Variants in RAPGEF3 observed in about 807,000 individuals in gnomAD.
The protein encoded by RAPGEF3 is 9330170P05Rik.
In RAPGEF3, 103 loss-of-function variants were observed where a neutral mutation model predicts 129.8. The observed-to-expected ratio is 0.79, with a 90% CI of 0.68 to 0.93. The LOEUF (loss-of-function observed/expected upper bound fraction) is 0.93, where lower values mean the gene tolerates loss of function less well. RAPGEF3 is among the 40% of genes least tolerant of loss of function. RAPGEF3 has a pLI of 0.00. For synonymous variants in RAPGEF3, 436 were observed against 482.6 expected (o/e 0.90, Z 1.26); for missense variants, 1,117 against 1,207.4 (o/e 0.93, Z 1.11).
chr12:47,739,526 C>CCT (rs140295626), intron 23 of RAPGEF3: 49 of 598,960 alleles, frequency 8.2e-5, no homozygotes, highest in East Asian at 1.6e-4. Context: ...TGTGTCCCTC[C>CCT]CTCTCTCTCT....
intron 1 of RAPGEF3, 114 bp downstream of exon 1, chr12:47,758,437 C>T: frequency 1.9e-6 from 3 of 1,571,882 alleles, no homozygotes; most frequent in Admixed American, 1.8e-5. Context: ...AAACCCTTCT[C>T]CTCTCCTCCT....
In RAPGEF3 at chr12:47,740,330, A is replaced by T; in HGVS notation, c.2297T>A (p.Ile766Asn). 1 of 1,614,118 alleles carries T rather than the reference A, an allele frequency of 6.2e-7. No homozygotes were observed. Among genetic ancestry groups the T allele is most frequent in the Non-Finnish European group, 8.5e-7 (1 of 1,180,004 alleles). The change falls in exon 22 of 28, where the codon ATC becomes AAC. Residue 766 changes from isoleucine to asparagine, a missense_variant. Ile to Asn is a moderately radical substitution (Grantham distance 149). Coordinates refer to ENST00000449771, the MANE Select transcript of RAPGEF3 (RefSeq NM_001098531.4). ...CTCCCAGGTGTGGGCTAGGCGGCTG[A>T]TGGCCGAGTTGCTGAGGCCAAACAT... Reference protein sequence around the residue: ...AVMFGLSNSAISRLAHTWERL... With the variant: ...AVMFGLSNSANSRLAHTWERL...
intron 2 of RAPGEF3, 49 bp downstream of exon 2, chr12:47,757,816 CT>C (rs1415265582): frequency 6.7e-7 from 1 of 1,499,976 alleles, no homozygotes; most frequent in African/African-American, 1.4e-5. Flanking sequence ...CTAGGCCCCC[CT>C]CTAGCTCTGG....
At chr12:47,740,421 T>G in intron 21 of RAPGEF3, 26 bp from the exon 22 acceptor site, 1 of 1,609,594 alleles carries the variant, frequency 6.2e-7, no homozygotes, top group Non-Finnish European at 8.5e-7. Context: ...CCAGAGACCC[T>G]CAGGGTAAGG....
chr12:47,738,778 A>T, intron 24 of RAPGEF3, 24 bp from the exon 25 acceptor site: 2 of 1,586,366 alleles, frequency 1.3e-6, no homozygotes, highest in South Asian at 1.1e-5. Context: ...GGTTTTGTTC[A>T]TAGGTCCCCA....
At chr12:47,748,000 T>G in intron 13 of RAPGEF3, 74 bp downstream of exon 13, 1 of 1,553,866 alleles carries the variant, frequency 6.4e-7, no homozygotes. Context: ...ACAGCCACGC[T>G]GGTGAGATTT....
Position 47,755,107 on chromosome 12 carries a change from T to G in RAPGEF3, c.219+2759A>C, listed in dbSNP as rs535001348. On this transcript the variant is annotated intron_variant, in intron 2 of 27. Coordinates refer to ENST00000449771, the MANE Select transcript of RAPGEF3 (RefSeq NM_001098531.4). ...TGCCTTAAGGTGTCAGTGTTACTGT[T>G]CGTAGCAAGAGAGAAGTGCAGCATG... 2.1e-4 allele frequency among the ~76,000 whole-genome samples: 32 copies of G among 152,244 alleles called. No individual in the cohort carries two copies. In the South Asian group the frequency reaches 6.4e-3, roughly 31 times the overall value.
chr12:47,758,744 T>G lies in RAPGEF3; in HGVS notation c.-188A>C. On this transcript the variant is annotated 5_prime_UTR_variant, in exon 1 of 28. Coordinates refer to ENST00000449771, the MANE Select transcript of RAPGEF3 (RefSeq NM_001098531.4). ...AGGATGCAGGGCTCGGTGGAGAGGC[T>G]CCTCTTGGGTGAGTAGAGGGGTGGG... 4 of 1,148,998 alleles carry G rather than the reference T, an allele frequency of 3.5e-6. No homozygotes were observed. Among genetic ancestry groups the G allele is most frequent in the East Asian group, 1.0e-4 (2 of 20,064 alleles). The allele number at this position is 1,148,998 out of a possible 1,614,324, so 71.2% of individuals were successfully genotyped here.
At chr12:47,758,224 G>A (rs1342373306) in intron 1 of RAPGEF3, 146 bp from the exon 2 acceptor site, 2 of 1,436,674 alleles carry the variant, frequency 1.4e-6, no homozygotes, top group Non-Finnish European at 1.8e-6. Context: ...GAGCTGGGGG[G>A]AGGAACAGGA....
Position 47,749,513 on chromosome 12 carries a change from C to T in RAPGEF3, c.918G>A (p.Glu306=). 1.9e-6 allele frequency: 3 copies of T among 1,611,554 alleles called. No individual in the cohort carries two copies. The highest frequency in any genetic ancestry group is 1.7e-4 in the Middle Eastern group (1 of 5,870). ...HGKGLVTTLH[E]GDDFGQLALV... The stretch of plus-strand genomic sequence containing the variant: ...GAGCCAGCTGTCCAAAATCATCTCC[C>T]TCATGCAGGGTGGTCACCAGCCCCT... Residue 306 remains glutamate, a synonymous_variant, in exon 10 of 28, where the codon GAG becomes GAA. Coordinates refer to ENST00000449771, the MANE Select transcript of RAPGEF3 (RefSeq NM_001098531.4). The surrounding 1 kb of genome is among the most constrained non-coding windows in gnomAD (Gnocchi z 4.5).
In RAPGEF3 at chr12:47,749,571, C is replaced by A. The variant is rs761136260; in HGVS notation, c.895-35G>T. On this transcript the variant is annotated intron_variant, in intron 9 of 27. Transcript: ENST00000449771. This position sits in a 1 kb window ranked among gnomAD's most constrained non-coding sequence, Gnocchi z 4.5. Reference sequence around the variant, plus strand: ...GGCCTCAGTCTCAGCCCGCCCCTGCCGCCCCTGCCGCCCCCAGCTCTTGCC... The same window carrying A: ...GGCCTCAGTCTCAGCCCGCCCCTGCAGCCCCTGCCGCCCCCAGCTCTTGCC... 6.4e-7 allele frequency: 1 copy of A among 1,557,806 alleles called. No individual in the cohort carries two copies. Among genetic ancestry groups the A allele is most frequent in the Non-Finnish European group, 8.7e-7 (1 of 1,154,868 alleles).
chr12:47,747,652 A>C, intron 14 of RAPGEF3, 26 bp from the exon 15 acceptor site: 2 of 1,613,284 alleles, frequency 1.2e-6, no homozygotes. Context: ...ATTCACTGAG[A>C]TGGCTGTAGC....
intron 7 of RAPGEF3, 99 bp from the exon 8 acceptor site, chr12:47,750,089 G>A (rs1479027251): frequency 1.4e-6 from 2 of 1,403,236 alleles, no homozygotes; most frequent in Non-Finnish European, 2.0e-6. Flanking sequence ...CACAAGTGCT[G>A]GGGGACAAAG....
chr12:47,740,098 G>A (rs750490455), intron 23 of RAPGEF3, 43 bp downstream of exon 23: 1 of 1,595,662 alleles, frequency 6.3e-7, no homozygotes, highest in South Asian at 1.1e-5. Context: ...GCCGAGCCCA[G>A]CTGATCCTAG....
At position 47,746,933 on chromosome 12, in the gene RAPGEF3, C is replaced by CAGGT. The variant is rs752064176; in HGVS notation, c.1557-38_1557-35dup. 17 of 1,595,184 alleles carry CAGGT rather than the reference C, an allele frequency of 1.1e-5. No homozygotes were observed. In the East Asian group the frequency reaches 3.8e-4, roughly 36 times the overall value. The stretch of plus-strand genomic sequence containing the variant: ...AAGAGAGAAGGGAGGTGAGTGAGCC[C>CAGGT]AGGTATCCCTGGGGCTGCAGCAGGG... On this transcript the variant is annotated intron_variant, in intron 15 of 27. Transcript: ENST00000449771.
intron 2 of RAPGEF3, chr12:47,756,064 C>T (rs1942033264): frequency 6.6e-6 from 1 of 152,238 alleles, no homozygotes; most frequent in Admixed American, 6.5e-5. Context: ...CTCTAGTCAC[C>T]AACGCCCACC....
Position 47,748,434 on chromosome 12 carries a change from AG to A in RAPGEF3, c.1243+19del, listed in dbSNP as rs767774124. ...CCACCCAATGAGTCAGAAAGCAGGC[AG>A]GGTGTCTCTTGCCCTTACCTGTTGG... On this transcript the variant is annotated intron_variant, in intron 12 of 27. Coordinates refer to ENST00000449771, the MANE Select transcript of RAPGEF3 (RefSeq NM_001098531.4). 1.2e-6 allele frequency: 2 copies of A among 1,602,438 alleles called. No individual in the cohort carries two copies. The highest frequency in any genetic ancestry group is 1.7e-5 in the Admixed American group (1 of 59,820).
Position 47,758,858 on chromosome 12 carries a change from G to C in RAPGEF3, c.-302C>G. On this transcript the variant is annotated 5_prime_UTR_variant, in exon 1 of 28. Transcript: ENST00000449771. ...TCAGACGAAGGAGCCAGCTGGCACC[G>C]GGCGCTGAAGCAAGGCTGCGCTGGC... The C allele has an allele frequency of 8.5e-7, 1 of 1,181,764 alleles. No individual in the cohort carries two copies. Among genetic ancestry groups the C allele is most frequent in the Non-Finnish European group, 1.0e-6 (1 of 953,560 alleles). The allele number at this position is 1,181,764 out of a possible 1,614,324, so 73.2% of individuals were successfully genotyped here.
chr12:47,741,795 C>A, intron 18 of RAPGEF3, 193 bp from the exon 19 acceptor site: 1 of 596,752 alleles, frequency 1.7e-6, no homozygotes, highest in Non-Finnish European at 3.0e-6. Context: ...GAAGCACATC[C>A]AAGAGGATGA....
Sources: allele counts gnomAD v4.1 joint callset (sites outside exome capture counted in the v4.1 genomes callset), GRCh38; gene constraint gnomAD v4.1.1; non-coding constraint Gnocchi (gnomAD v3.1); transcripts MANE v1.5; gene names NCBI Gene and HGNC (gene_info 2026-07-23, HGNC 2026-07-21).